Variants in UNC5C observed in about 807,000 individuals in gnomAD.
The protein encoded by UNC5C is unc-5 netrin receptor C, also known as netrin receptor UNC5C.
Under a neutral mutation model 99.8 loss-of-function variants are expected in UNC5C, and 47 were observed. That is an observed-to-expected ratio of 0.47 (90% CI 0.37 to 0.60). UNC5C has a LOEUF of 0.60. UNC5C is among the 20% of genes least tolerant of loss of function. The pLI, the probability that UNC5C is intolerant of heterozygous loss-of-function variation, is 0.00. For synonymous variants in UNC5C, 487 were observed against 452.2 expected, an observed-to-expected ratio of 1.08 and a Z score of -0.98; for missense variants, 1,062 against 1,165.9, an observed-to-expected ratio of 0.91 and a Z score of 1.30.
intron 1 of UNC5C, among the ~76,000 whole-genome samples, chr4:95,422,100 C>T (rs192240919): frequency 1.3e-5 from 2 of 152,358 alleles, no homozygotes; most frequent in Admixed American, 1.3e-4. Flanking sequence ...CTGACGACAA[C>T]AAGCTGCAGC....
intron 1 of UNC5C, among the ~76,000 whole-genome samples, chr4:95,493,428 C>A (rs1257583806): frequency 1.3e-5 from 2 of 151,254 alleles, no homozygotes; most frequent in Non-Finnish European, 3.0e-5. Context: ...GAATTGCGAA[C>A]CGAAGTTTTA....
chr4:95,493,961 G>A (rs956474334), intron 1 of UNC5C, among the ~76,000 whole-genome samples: 2 of 151,288 alleles, frequency 1.3e-5, no homozygotes, highest in African/African-American at 4.8e-5. Context: ...AATTGTATCT[G>A]CCAAAGATGC....
intron 1 of UNC5C, among the ~76,000 whole-genome samples, chr4:95,527,967 C>G (rs1196987452): frequency 6.6e-6 from 1 of 152,066 alleles, no homozygotes; most frequent in Non-Finnish European, 1.5e-5. Context: ...ATCCTATACA[C>G]TGTTTACTCT....
intron 7 of UNC5C, chr4:95,222,062 C>A (rs1579243609): frequency 1.9e-6 from 1 of 513,522 alleles, no homozygotes; most frequent in Non-Finnish European, 3.1e-6. Context: ...TCTTCAGCAG[C>A]AAAAATCTAA....
intron 4 of UNC5C, among the ~76,000 whole-genome samples, chr4:95,266,163 T>G (rs1740440612): frequency 6.6e-6 from 1 of 152,224 alleles, no homozygotes; most frequent in Admixed American, 6.5e-5. Flanking sequence ...CTATAGGTAG[T>G]GGTTTATGAG....
rs1230100842 is a variant in UNC5C at position 95,424,759 on chromosome 4, G to A, written c.125-89128C>T. Among the ~76,000 whole-genome samples the A allele has an allele frequency of 3.3e-5, 5 of 151,868 alleles. No homozygotes were observed. The East Asian group carries it at 7.8e-4, about 24-fold the overall frequency. ...AGGATGGTCTGGATCTCCTGACCTC[G>A]TGATCCGCCCTCCTTGGCCTCCCAA... On this transcript the variant is annotated intron_variant, in intron 1 of 15. Transcript: ENST00000453304.
chr4:95,421,900 T>C (rs536539097), intron 1 of UNC5C, among the ~76,000 whole-genome samples: 1 of 152,322 alleles, frequency 6.6e-6, no homozygotes, highest in African/African-American at 2.4e-5. Context: ...CTGCTTTTCT[T>C]TCTCTAATAC....
intron 1 of UNC5C, among the ~76,000 whole-genome samples, chr4:95,389,887 T>C (rs549771818): frequency 6.6e-6 from 1 of 152,282 alleles, no homozygotes; most frequent in South Asian, 2.1e-4. Flanking sequence ...ATTAAGATAA[T>C]TTTAGCTGCT....
chr4:95,354,479 A>ATATATATATATATATATATTTT, intron 1 of UNC5C, among the ~76,000 whole-genome samples: 16 of 110,338 alleles, frequency 1.5e-4, no homozygotes, highest in South Asian at 2.9e-4. Flanking sequence ...ATATATATAT[A>ATATATATATATATATATATTTT]TTTTTTTTTT....
intron 2 of UNC5C, among the ~76,000 whole-genome samples, chr4:95,333,142 C>A (rs1317719738): frequency 2.0e-5 from 3 of 152,124 alleles, no homozygotes; most frequent in African/African-American, 7.2e-5. Context: ...ACTAGTTCAA[C>A]CATTGCGGAA....
intron 1 of UNC5C, among the ~76,000 whole-genome samples, chr4:95,369,459 G>T (rs1314086217): frequency 1.3e-5 from 2 of 151,928 alleles, no homozygotes; most frequent in Non-Finnish European, 2.9e-5. Flanking sequence ...GGCTGAGGTG[G>T]GAGGATGGCT....
intron 1 of UNC5C, among the ~76,000 whole-genome samples, chr4:95,506,414 C>T (rs886739548): frequency 6.6e-5 from 10 of 151,942 alleles, no homozygotes; most frequent in Non-Finnish European, 1.3e-4. Context: ...GTCACCAAAC[C>T]ACCAACACTG....
At chr4:95,305,556 G>A (rs982124975) in intron 2 of UNC5C, among the ~76,000 whole-genome samples, 5 of 152,134 alleles carry the variant, frequency 3.3e-5, no homozygotes, top group African/African-American at 1.2e-4. Context: ...AAGGGTGGGG[G>A]AAATGCTTTG....
intron 1 of UNC5C, among the ~76,000 whole-genome samples, chr4:95,529,987 G>A (rs982802416): frequency 2.6e-5 from 4 of 152,162 alleles, no homozygotes; most frequent in Admixed American, 2.0e-4. Flanking sequence ...TGTCCACTTT[G>A]AACAACAACT....
intron 1 of UNC5C, among the ~76,000 whole-genome samples, chr4:95,410,469 C>A (rs908642402): frequency 1.3e-5 from 2 of 152,188 alleles, no homozygotes; most frequent in Non-Finnish European, 2.9e-5. Context: ...CACTAAAATA[C>A]CCCATTATTT....
At chr4:95,547,495 C>T (rs1322586815) in intron 1 of UNC5C, among the ~76,000 whole-genome samples, 2 of 152,158 alleles carry the variant, frequency 1.3e-5, no homozygotes, top group South Asian at 2.1e-4. Context: ...TAAAGCCTCC[C>T]TTTACTCTCC....
At chr4:95,180,725 C>T (rs563969138) in intron 14 of UNC5C, among the ~76,000 whole-genome samples, 116 of 152,182 alleles carry the variant, frequency 7.6e-4, no homozygotes, top group African/African-American at 2.7e-3. Flanking sequence ...TGAGTGCGTC[C>T]GGTGGTGGGT....
chr4:95,219,204 A>G lies in UNC5C; in HGVS notation c.1410T>C (p.Ile470=), dbSNP rs1738372655. 1 of 1,614,172 alleles carries G rather than the reference A, an allele frequency of 6.2e-7. No individual in the cohort carries two copies. ...TTTTCAGGTTGGGCAGTGGATCCAG[A>G]ATTGGAGAGTTGGTCATTGGGATTT... ...SDKIPMTNSP[I]LDPLPNLKIK... Residue 470 remains isoleucine, a synonymous_variant, in exon 9 of 16, where the codon ATT becomes ATC. Transcript: ENST00000453304.
Position 95,169,342 on chromosome 4 carries a change from C to A in UNC5C, c.2688G>T (p.Trp896Cys). ...SSPTGVILDL[W>C]EAQNFPDGNL... Reference sequence around the variant, plus strand: ...TTCCATCTGGGAAGTTCTGTGCTTCCCAAAGATCCAGGATTACGCCAGTTG... The same window carrying A: ...TTCCATCTGGGAAGTTCTGTGCTTCACAAAGATCCAGGATTACGCCAGTTG... Residue 896 changes from tryptophan to cysteine, a missense_variant, in exon 16 of 16, where the codon TGG becomes TGT. Transcript: ENST00000453304. The A allele has an allele frequency of 6.2e-7, 1 of 1,614,190 alleles. No individual in the cohort carries two copies. Among genetic ancestry groups the A allele is most frequent in the South Asian group, 1.1e-5 (1 of 91,088 alleles).
Sources: gnomAD v4.1 joint callset for allele counts (sites outside exome capture counted in the v4.1 genomes callset) on GRCh38, gnomAD v4.1.1 for gene constraint, MANE v1.5 for transcripts, NCBI Gene and HGNC (gene_info 2026-07-23, HGNC 2026-07-21) for gene names.